CREB5: variants seen among roughly 807,000 people sequenced by gnomAD.
CREB5 encodes the protein cAMP responsive element binding protein 5.
CREB5 carries 19 observed loss-of-function variants against 57.1 expected under a neutral mutation model. The ratio of observed to expected loss-of-function variants is 0.33; its 90% CI spans 0.23 to 0.49. CREB5 has a LOEUF of 0.49. Among genes scored for constraint, CREB5 ranks in the 20% least tolerant of loss-of-function variants. CREB5 has a pLI of 0.99. For synonymous variants in CREB5, 238 were observed against 238.3 expected, an observed-to-expected ratio of 1.00 and a Z score of 0.01; for missense variants, 579 against 671.6, an observed-to-expected ratio of 0.86 and a Z score of 1.52.
intron 9 of CREB5, among the ~76,000 whole-genome samples, chr7:28,817,305 T>C (rs531224087): frequency 1.3e-5 from 2 of 152,350 alleles, no homozygotes; most frequent in African/African-American, 4.8e-5. Flanking sequence ...CCATACCTCC[T>C]GCTCAGTGGG....
intron 1 of CREB5, among the ~76,000 whole-genome samples, chr7:28,322,001 G>C (rs2127984390): frequency 6.6e-6 from 1 of 152,286 alleles, no homozygotes; most frequent in Middle Eastern, 3.4e-3. Context: ...CAGTTTTAGT[G>C]AGACGAACAC....
chr7:28,763,447 TG>T (rs1223679027), intron 7 of CREB5, among the ~76,000 whole-genome samples: 2 of 152,206 alleles, frequency 1.3e-5, no homozygotes, highest in African/African-American at 4.8e-5. Context: ...ATAAAAGCCT[TG>T]GGCTTGTTGC....
At chr7:28,577,552 C>T (rs1375192157) in intron 5 of CREB5, among the ~76,000 whole-genome samples, 6 of 152,106 alleles carry the variant, frequency 3.9e-5, no homozygotes, top group Non-Finnish European at 7.4e-5. Context: ...ATTAATACAC[C>T]CATTTTGCAG....
intron 6 of CREB5, among the ~76,000 whole-genome samples, chr7:28,720,054 C>T (rs372273704): frequency 4.6e-5 from 7 of 152,082 alleles, no homozygotes; most frequent in Admixed American, 1.3e-4. Flanking sequence ...AGCGAGACTC[C>T]GTCTCAAAAA....
At chr7:28,345,604 T>A (rs1241396351) in intron 1 of CREB5, among the ~76,000 whole-genome samples, 1 of 151,990 alleles carries the variant, frequency 6.6e-6, no homozygotes, top group African/African-American at 2.4e-5. Context: ...CATTGCAGAG[T>A]TTCAGCCCAG....
At chr7:28,311,674 G>T (rs1481003883) in intron 1 of CREB5, among the ~76,000 whole-genome samples, 3 of 152,178 alleles carry the variant, frequency 2.0e-5, no homozygotes, top group African/African-American at 7.2e-5. Flanking sequence ...AGAAAACAGG[G>T]AGTCAGGAGC....
chr7:28,658,711 A>G (rs1463712403), intron 5 of CREB5, among the ~76,000 whole-genome samples: 2 of 152,062 alleles, frequency 1.3e-5, no homozygotes, highest in African/African-American at 4.8e-5. Context: ...GAGCTGATCA[A>G]ATCAAGGGGT....
At chr7:28,748,063 CT>C (rs1437673833) in intron 7 of CREB5, among the ~76,000 whole-genome samples, 1 of 152,178 alleles carries the variant, frequency 6.6e-6, no homozygotes, top group Non-Finnish European at 1.5e-5. Flanking sequence ...GCAGATTTTG[CT>C]TTGTTACCTG....
intron 5 of CREB5, among the ~76,000 whole-genome samples, chr7:28,616,762 CA>C (rs141296357): frequency 0.018 from 2,788 of 152,216 alleles, 94 homozygotes; most frequent in African/African-American, 0.064. Flanking sequence ...TCAGCTTAAA[CA>C]GTTTATGATT....
intron 5 of CREB5, among the ~76,000 whole-genome samples, chr7:28,629,468 A>G (rs2128691995): frequency 6.6e-6 from 1 of 152,348 alleles, no homozygotes; most frequent in Middle Eastern, 3.4e-3. Context: ...GGCAGCCAAC[A>G]GACAACTCTG....
intron 5 of CREB5, among the ~76,000 whole-genome samples, chr7:28,584,447 G>A (rs191157445): frequency 1.9e-4 from 29 of 152,192 alleles, no homozygotes; most frequent in African/African-American, 6.7e-4. Context: ...GTGGAGACAC[G>A]GGGACTCAGA....
Position 28,322,650 on chromosome 7 carries a change from C to T in CREB5, c.-25+23209C>T, listed in dbSNP as rs190901761. ...TATGATGTTCCCCTCCCTGTCTCCA[C>T]ATGTTCTCATTGTTCAATTCCTACT... On this transcript the variant is annotated intron_variant, in intron 1 of 9. Transcript: ENST00000396299. Among the ~76,000 whole-genome samples, 21 of 151,560 alleles carry T rather than the reference C, an allele frequency of 1.4e-4. No individual in the cohort carries two copies. The East Asian group carries it at 3.9e-3, about 28-fold the overall frequency.
At chr7:28,571,382 T>C (rs999758592) in intron 5 of CREB5, among the ~76,000 whole-genome samples, 1 of 152,166 alleles carries the variant, frequency 6.6e-6, no homozygotes. Flanking sequence ...AACTGCCTCC[T>C]TACTAGCCCT....
At chr7:28,440,281 T>A (rs1157168004) in intron 1 of CREB5, among the ~76,000 whole-genome samples, 1 of 152,192 alleles carries the variant, frequency 6.6e-6, no homozygotes, top group Non-Finnish European at 1.5e-5. Context: ...TAAGTTGTGT[T>A]TACTTTAAGT....
intron 1 of CREB5, among the ~76,000 whole-genome samples, chr7:28,361,457 AG>A (rs1453177869): frequency 2.0e-5 from 3 of 152,242 alleles, no homozygotes; most frequent in African/African-American, 7.2e-5. Flanking sequence ...GAAGCAAAAG[AG>A]GCCACATCCT....
At chr7:28,468,420 C>T (rs922032522) in intron 1 of CREB5, among the ~76,000 whole-genome samples, 1 of 152,098 alleles carries the variant, frequency 6.6e-6, no homozygotes, top group Non-Finnish European at 1.5e-5. Flanking sequence ...TCCATGAGGA[C>T]GAGGGCAAGC....
At position 28,384,914 on chromosome 7, in the gene CREB5, T is replaced by C. The variant is rs75968445; in HGVS notation, c.-25+85473T>C. 3.7e-3 allele frequency among the ~76,000 whole-genome samples: 570 copies of C among 152,344 alleles called. 1 individual carries two copies. The highest frequency in any genetic ancestry group is 6.0e-3 in the Non-Finnish European group (407 of 68,032). ...ATAATTTTATGTGAAAATTCAAATG[T>C]GGCTCTCTGTCTTAGTCCAGAGATG... On this transcript the variant is annotated intron_variant, in intron 1 of 9. Coordinates refer to the CREB5 transcript ENST00000396299.
In CREB5 at chr7:28,494,917, A is replaced by G. The variant is rs141934847; in HGVS notation, c.87A>G (p.Thr29=). ...SAPGCSQRFP[T]EDHLMIHRHK... is the part of the protein sequence containing the mutation. Reference sequence around the variant, plus strand: ...TATTCGTCCGACAGCGCTTCCCAACAGAGGACCATCTGATGATTCATAGGC... The same window carrying G: ...TATTCGTCCGACAGCGCTTCCCAACGGAGGACCATCTGATGATTCATAGGC... The change falls in exon 3 of 11, where the codon ACA becomes ACG. Residue 29 remains threonine, a synonymous_variant. Coordinates refer to ENST00000357727, the MANE Select transcript of CREB5 (RefSeq NM_182898.4). 228 of 1,599,826 alleles carry G rather than the reference A, an allele frequency of 1.4e-4. No individual in the cohort carries two copies. Among genetic ancestry groups the G allele is most frequent in the Non-Finnish European group, 1.9e-4 (219 of 1,176,784 alleles).
chr7:28,351,153 A>T (rs930603135), intron 1 of CREB5, among the ~76,000 whole-genome samples: 1 of 152,224 alleles, frequency 6.6e-6, no homozygotes, highest in African/African-American at 2.4e-5. Flanking sequence ...AAGGAGAAAC[A>T]AGAGCTGAAC....
Sources: allele counts gnomAD v4.1 joint callset (sites outside exome capture counted in the v4.1 genomes callset), GRCh38; gene constraint gnomAD v4.1.1; transcripts MANE v1.5; gene names NCBI Gene and HGNC (gene_info 2026-07-23, HGNC 2026-07-21).